DLG1: variants seen among roughly 807,000 people sequenced by gnomAD.
DLG1 encodes discs large MAGUK scaffold protein 1.
Under a neutral mutation model 123.4 loss-of-function variants are expected in DLG1, and 42 were observed. That is an observed-to-expected ratio of 0.34 (90% CI 0.27 to 0.44). The LOEUF (loss-of-function observed/expected upper bound fraction) is 0.44. Among genes scored for constraint, DLG1 ranks in the 20% least tolerant of loss-of-function variants. The pLI, the probability that DLG1 is intolerant of heterozygous loss-of-function variation, is 1.00. For synonymous variants in DLG1, 317 were observed against 356.2 expected, an observed-to-expected ratio of 0.89 and a Z score of 1.24; for missense variants, 942 against 1,082.6, an observed-to-expected ratio of 0.87 and a Z score of 1.82.
Position 197,043,861 on chromosome 3 carries a change from A to ATTAC in DLG1, c.*761_*762insGTAA, listed in dbSNP as rs1721402998. 6.6e-6 allele frequency: 1 copy of ATTAC among 152,108 alleles called. No homozygotes were observed. Among genetic ancestry groups the ATTAC allele is most frequent in the South Asian group, 2.1e-4 (1 of 4,828 alleles). 9.4% of individuals were successfully genotyped at this position (152,108 alleles called of 1,614,324 possible). A position where few individuals can be genotyped will look rare whatever the true frequency, so the allele number is the denominator to read the frequency against. Reference sequence around the variant, plus strand: ...GAAATTTTCTCAATCTTCTGTGTAAAAGGCGAACTTCCTTAGCACCTGAAC... The same window carrying ATTAC: ...GAAATTTTCTCAATCTTCTGTGTAAATTACAGGCGAACTTCCTTAGCACCTGAAC... On this transcript the variant is annotated 3_prime_UTR_variant, in exon 25 of 25. Transcript: ENST00000667157.
intron 6 of DLG1, among the ~76,000 whole-genome samples, chr3:197,147,496 A>C (rs568001717): frequency 1.1e-4 from 16 of 152,042 alleles, no homozygotes; most frequent in Middle Eastern, 6.8e-3. Flanking sequence ...CAGCCATAAA[A>C]AGGAATGAAA....
chr3:197,099,996 A>G (rs1762599902), intron 14 of DLG1, among the ~76,000 whole-genome samples: 1 of 152,204 alleles, frequency 6.6e-6, no homozygotes. Context: ...GGCATTTTCT[A>G]TCCCAGTTTG....
intron 13 of DLG1, among the ~76,000 whole-genome samples, chr3:197,114,315 C>T (rs1771799140): frequency 6.6e-6 from 1 of 152,158 alleles, no homozygotes; most frequent in Non-Finnish European, 1.5e-5. Flanking sequence ...AGTGAAACTG[C>T]AGCACATCAA....
rs575050670 is a variant in DLG1, at chr3:197,082,776, C to T, written c.1839-1659G>A. ...AGTAAGATTATATTCTGCAATGCTACTCATGAATGTGGAAATTGGCAGAGG... is the reference window on the plus strand; with the variant it reads ...AGTAAGATTATATTCTGCAATGCTATTCATGAATGTGGAAATTGGCAGAGG... On this transcript the variant is annotated intron_variant, in intron 16 of 24. Coordinates refer to ENST00000667157, the MANE Select transcript of DLG1 (RefSeq NM_001366207.1). 5.3e-5 allele frequency among the ~76,000 whole-genome samples: 8 copies of T among 152,236 alleles called. No homozygotes were observed. In the East Asian group the frequency reaches 1.2e-3, roughly 22 times the overall value.
rs561482770 is a variant in DLG1 at position 197,086,903 on chromosome 3, A to C, written c.1662-1147T>G. On this transcript the variant is annotated intron_variant, in intron 15 of 24. Transcript: ENST00000667157. ...TATAAAAATTCATCTTTTGAATCACAAAATGTAACAGTATTATTGAACAAC... is the reference window on the plus strand; with the variant it reads ...TATAAAAATTCATCTTTTGAATCACCAAATGTAACAGTATTATTGAACAAC... 2.0e-5 allele frequency among the ~76,000 whole-genome samples: 3 copies of C among 152,080 alleles called. No individual in the cohort carries two copies. In the East Asian group the frequency reaches 5.8e-4, roughly 29 times the overall value.
At chr3:197,208,968 C>A (rs1240221917) in intron 4 of DLG1, among the ~76,000 whole-genome samples, 4 of 145,692 alleles carry the variant, frequency 2.7e-5, no homozygotes, top group African/African-American at 9.8e-5. Flanking sequence ...TGGTACACAG[C>A]TAGAAAATCC....
chr3:197,255,469 A>G (rs1756411418), intron 4 of DLG1, among the ~76,000 whole-genome samples: 1 of 152,200 alleles, frequency 6.6e-6, no homozygotes, highest in Non-Finnish European at 1.5e-5. Flanking sequence ...TTAAACAAAA[A>G]CTTTGTGGTA....
intron 13 of DLG1, among the ~76,000 whole-genome samples, chr3:197,111,679 C>T (rs922825120): frequency 6.6e-6 from 1 of 152,210 alleles, no homozygotes; most frequent in Non-Finnish European, 1.5e-5. Context: ...TTCAACTGTG[C>T]ACTTCTATAG....
chr3:197,254,370 G>A (rs1755868829), intron 4 of DLG1, among the ~76,000 whole-genome samples: 1 of 152,182 alleles, frequency 6.6e-6, no homozygotes, highest in African/African-American at 2.4e-5. Flanking sequence ...ACAGAAGCCA[G>A]GTGAAAGTAA....
At chr3:197,143,991 A>T (rs1415283462) in intron 6 of DLG1, among the ~76,000 whole-genome samples, 2 of 152,180 alleles carry the variant, frequency 1.3e-5, no homozygotes, top group Non-Finnish European at 2.9e-5. Context: ...CTTCCTTTAA[A>T]ATTTCTCGTG....
intron 19 of DLG1, among the ~76,000 whole-genome samples, chr3:197,067,893 C>A (rs182248397): frequency 9.4e-5 from 13 of 137,568 alleles, no homozygotes; most frequent in Non-Finnish European, 1.9e-4. Flanking sequence ...ACACACACAT[C>A]CCCCCTCACC....
At chr3:197,056,373 T>A (rs991756672) in intron 23 of DLG1, among the ~76,000 whole-genome samples, 8 of 152,220 alleles carry the variant, frequency 5.3e-5, no homozygotes, top group Admixed American at 1.3e-4. Flanking sequence ...TTTGCTCCTA[T>A]TTTGGTAAGG....
rs557552192 is a variant in DLG1, at chr3:197,271,867, AAAGC to A, written c.318+10808_318+10811del. Among the ~76,000 whole-genome samples the A allele has an allele frequency of 2.4e-4, 36 of 152,356 alleles. No homozygotes were observed. The East Asian group carries it at 6.6e-3, about 28-fold the overall frequency. On this transcript the variant is annotated intron_variant, in intron 4 of 24. Coordinates refer to ENST00000667157, the MANE Select transcript of DLG1 (RefSeq NM_001366207.1). The stretch of plus-strand genomic sequence containing the variant: ...TTCCAAAAAATACACACATACAGGA[AAAGC>A]AAGCACAATCTTGTCTGTGAGAAAG...
chr3:197,107,157 C>T (rs1428278441), intron 13 of DLG1, among the ~76,000 whole-genome samples: 1 of 152,140 alleles, frequency 6.6e-6, no homozygotes. Context: ...TGGCTTCTTT[C>T]ACTTATTTTC....
intron 4 of DLG1, among the ~76,000 whole-genome samples, chr3:197,269,148 T>G (rs1762916076): frequency 6.6e-6 from 1 of 151,910 alleles, no homozygotes; most frequent in African/African-American, 2.4e-5. Flanking sequence ...GATAAACTAG[T>G]AACATAATTG....
intron 9 of DLG1, among the ~76,000 whole-genome samples, chr3:197,137,951 G>A (rs1407431993): frequency 2.7e-5 from 4 of 148,100 alleles, no homozygotes; most frequent in African/African-American, 1.0e-4. Flanking sequence ...CAGCCAGGGT[G>A]ACAGGGCAAA....
In DLG1 at chr3:197,281,705, T is replaced by C. The variant is rs1769457842; in HGVS notation, c.318+974A>G. The stretch of plus-strand genomic sequence containing the variant: ...AATAAAGAGAACTGTGAGTTGGGTG[T>C]TAAGAGTCCTGAAATTCAAAGGTAT... On this transcript the variant is annotated intron_variant, in intron 4 of 24. Coordinates refer to ENST00000667157, the MANE Select transcript of DLG1 (RefSeq NM_001366207.1). 2.0e-5 allele frequency among the ~76,000 whole-genome samples: 3 copies of C among 152,218 alleles called. No individual in the cohort carries two copies. The South Asian group carries it at 6.2e-4, about 31-fold the overall frequency.
chr3:197,282,095 T>A (rs1456894270), intron 4 of DLG1, among the ~76,000 whole-genome samples: 1 of 152,224 alleles, frequency 6.6e-6, no homozygotes, highest in Non-Finnish European at 1.5e-5. Context: ...ATACCTCTGC[T>A]ATACCATATC....
chr3:197,231,966 T>A (rs1475539260), intron 4 of DLG1, among the ~76,000 whole-genome samples: 1 of 104,802 alleles, frequency 9.5e-6, no homozygotes, highest in Admixed American at 9.2e-5. Context: ...GGGGCAAACC[T>A]GTAAGATACA....
Sources: gnomAD v4.1 joint callset for allele counts (sites outside exome capture counted in the v4.1 genomes callset) on GRCh38, gnomAD v4.1.1 for gene constraint, MANE v1.5 for transcripts, NCBI Gene and HGNC (gene_info 2026-07-23, HGNC 2026-07-21) for gene names.